Variants in CDH18 observed in about 807,000 individuals in gnomAD.
The protein encoded by CDH18 is cadherin-18.
CDH18 carries 31 observed loss-of-function variants against 67.9 expected under a neutral mutation model. The ratio of observed to expected loss-of-function variants is 0.46; its 90% CI spans 0.34 to 0.62. The LOEUF (loss-of-function observed/expected upper bound fraction) is 0.62, where lower values mean the gene tolerates loss of function less well. Ranked by LOEUF, CDH18 falls within the 20% of genes least tolerant of loss-of-function variation. CDH18 has a pLI of 0.01. For missense variants in CDH18, 890 were observed against 975.5 expected (o/e 0.91, Z 1.17); for synonymous variants, 362 against 347.2 (o/e 1.04, Z -0.48).
chr5:19,903,767 T>C (rs928189526), intron 2 of CDH18, among the ~76,000 whole-genome samples: 1 of 151,826 alleles, frequency 6.6e-6, no homozygotes, highest in South Asian at 2.1e-4. Flanking sequence ...CATTATTTCA[T>C]GGGACACAGA....
At chr5:19,747,652 A>C (rs2150735836) in intron 3 of CDH18, among the ~76,000 whole-genome samples, 2 of 151,988 alleles carry the variant, frequency 1.3e-5, no homozygotes, top group African/African-American at 4.8e-5. Context: ...TTATGACTAG[A>C]AAAAAAATAT....
chr5:20,174,690 C>A (rs909200118), intron 2 of CDH18, among the ~76,000 whole-genome samples: 1 of 152,100 alleles, frequency 6.6e-6, no homozygotes, highest in Non-Finnish European at 1.5e-5. Context: ...CAACCATATA[C>A]TTCCAATGAA....
At position 19,543,937 on chromosome 5, in the gene CDH18, C is replaced by A. The variant is rs141966139; in HGVS notation, c.1322G>T (p.Arg441Met). Residue 441 changes from arginine (R) to methionine (M), a missense_variant, in exon 9 of 13, where the codon AGG (arginine) becomes ATG (methionine). Physicochemically the swap from Arg to Met is moderately conservative, Grantham distance 91. Coordinates refer to ENST00000382275, the MANE Select transcript of CDH18 (RefSeq NM_004934.5). ...FNIDANTGTI[R>M]TTKVLDREET... ...TTCTCTGTCGAGAACCTTTGTAGTC[C>A]TAATGGTCCCAGTATTGGCATCAAT... The A allele has an allele frequency of 4.4e-6, 7 of 1,597,218 alleles. No individual in the cohort carries two copies. The highest frequency in any genetic ancestry group is 6.0e-6 in the Non-Finnish European group (7 of 1,167,768).
chr5:20,336,885 T>C (rs1739819895), intron 1 of CDH18, among the ~76,000 whole-genome samples: 1 of 152,158 alleles, frequency 6.6e-6, no homozygotes, highest in Non-Finnish European at 1.5e-5. Flanking sequence ...ACATTAGCAT[T>C]GTGGTTTCAG....
chr5:19,872,260 C>A (rs1042441554), intron 2 of CDH18, among the ~76,000 whole-genome samples: 1 of 152,092 alleles, frequency 6.6e-6, no homozygotes, highest in African/African-American at 2.4e-5. Flanking sequence ...GGAAGAAATA[C>A]CCTAAGATAA....
At chr5:19,632,515 G>A (rs1388036484) in intron 5 of CDH18, among the ~76,000 whole-genome samples, 1 of 152,086 alleles carries the variant, frequency 6.6e-6, no homozygotes, top group African/African-American at 2.4e-5. Flanking sequence ...AAGTTTTCAT[G>A]TCATTGTTAT....
chr5:19,494,494 C>A (rs918521381), intron 11 of CDH18, among the ~76,000 whole-genome samples: 1 of 152,138 alleles, frequency 6.6e-6, no homozygotes, highest in East Asian at 1.9e-4. Context: ...ATTTGTTTCC[C>A]CTTTTGAACT....
chr5:20,359,431 T>C (rs1008452161), intron 1 of CDH18, among the ~76,000 whole-genome samples: 1 of 152,164 alleles, frequency 6.6e-6, no homozygotes, highest in Non-Finnish European at 1.5e-5. Context: ...TTACAGCATG[T>C]TTTGCCTTTG....
At chr5:19,867,145 G>T (rs1581709560) in intron 2 of CDH18, among the ~76,000 whole-genome samples, 1 of 152,046 alleles carries the variant, frequency 6.6e-6, no homozygotes, top group Non-Finnish European at 1.5e-5. Flanking sequence ...CTCCTGCAAA[G>T]AAAATATTTC....
intron 2 of CDH18, among the ~76,000 whole-genome samples, chr5:20,222,144 C>T (rs1741277523): frequency 6.6e-6 from 1 of 152,118 alleles, no homozygotes; most frequent in African/African-American, 2.4e-5. Flanking sequence ...GAAAGATGTT[C>T]AGTGACATCT....
chr5:20,198,138 C>T (rs1407897919), intron 2 of CDH18, among the ~76,000 whole-genome samples: 2 of 152,080 alleles, frequency 1.3e-5, no homozygotes, highest in Non-Finnish European at 2.9e-5. Context: ...GTGAGAGTGA[C>T]TAATACAGTA....
At chr5:19,997,922 G>A (rs1281938917) in intron 2 of CDH18, among the ~76,000 whole-genome samples, 1 of 152,130 alleles carries the variant, frequency 6.6e-6, no homozygotes, top group African/African-American at 2.4e-5. Flanking sequence ...TAAAATGACA[G>A]GAAGAAGGCA....
At chr5:20,075,230 C>T (rs933830371) in intron 2 of CDH18, among the ~76,000 whole-genome samples, 10 of 152,074 alleles carry the variant, frequency 6.6e-5, no homozygotes, top group African/African-American at 2.2e-4. Flanking sequence ...GTTGGCTGGA[C>T]GCAGTGGATC....
intron 11 of CDH18, among the ~76,000 whole-genome samples, chr5:19,483,781 G>C (rs74733812): frequency 3.9e-5 from 6 of 152,116 alleles, no homozygotes; most frequent in African/African-American, 1.4e-4. Context: ...AGAAAATAGT[G>C]GGAAGACAAA....
intron 2 of CDH18, among the ~76,000 whole-genome samples, chr5:19,960,618 TATATACACGTGTATATGTATAC>T: frequency 7.4e-6 from 1 of 135,824 alleles, no homozygotes; most frequent in South Asian, 2.1e-4. Context: ...CACGTGTATA[TATATACACGTGTATATGTATAC>T]ATATACACGT....
intron 2 of CDH18, among the ~76,000 whole-genome samples, chr5:20,024,644 C>CCA (rs1298916898): frequency 6.6e-6 from 1 of 152,096 alleles, no homozygotes; most frequent in Non-Finnish European, 1.5e-5. Flanking sequence ...ATGCACTACT[C>CCA]CATGTGTTGA....
intron 1 of CDH18, among the ~76,000 whole-genome samples, chr5:20,519,307 C>T (rs948362663): frequency 1.4e-4 from 21 of 152,122 alleles, no homozygotes; most frequent in South Asian, 2.1e-4. Flanking sequence ...ATGATGAGTT[C>T]CTGTTCTTTG....
At chr5:19,892,990 G>A (rs1182962190) in intron 2 of CDH18, among the ~76,000 whole-genome samples, 1 of 152,156 alleles carries the variant, frequency 6.6e-6, no homozygotes, top group Non-Finnish European at 1.5e-5. Context: ...CTCCCCAAAA[G>A]TCATATGTTA....
At chr5:20,303,924 C>T in intron 1 of CDH18, 1 of 647,850 alleles carries the variant, frequency 1.5e-6, no homozygotes, top group South Asian at 1.9e-5. Flanking sequence ...TAATCTTCCT[C>T]TCAAAAGTTT....
Sources: allele counts gnomAD v4.1 joint callset (sites outside exome capture counted in the v4.1 genomes callset), GRCh38; gene constraint gnomAD v4.1.1; transcripts MANE v1.5; gene names NCBI Gene and HGNC (gene_info 2026-07-23, HGNC 2026-07-21).